The following ELP3 variants were observed in gnomAD, a reference collection of about 807,000 sequenced individuals.
The protein encoded by ELP3 is elongator acetyltransferase complex subunit 3, also known as elongator complex protein 3.
In ELP3, 56 loss-of-function variants were observed where a neutral mutation model predicts 74.9. The observed-to-expected ratio is 0.75, with a 90% CI of 0.60 to 0.93. The LOEUF (loss-of-function observed/expected upper bound fraction) is 0.93. Among genes scored for constraint, ELP3 ranks in the 40% least tolerant of loss-of-function variants. The pLI is 0.00. For synonymous variants in ELP3, 222 were observed against 239.8 expected (o/e 0.93, Z 0.68); for missense variants, 573 against 686.5 (o/e 0.83, Z 1.85).
intron 3 of ELP3, among the ~76,000 whole-genome samples, chr8:28,102,297 C>G (rs901663663): frequency 1.3e-5 from 2 of 152,172 alleles, no homozygotes; most frequent in Non-Finnish European, 2.9e-5. Flanking sequence ...GCTTATTCAC[C>G]TTTCCTGTCC....
intron 14 of ELP3, among the ~76,000 whole-genome samples, chr8:28,171,784 G>A (rs1814539741): frequency 6.6e-6 from 1 of 152,036 alleles, no homozygotes; most frequent in African/African-American, 2.4e-5. Context: ...TTTATATAAA[G>A]TTATAGCTCT....
At chr8:28,101,672 T>C (rs1356354330) in intron 3 of ELP3, among the ~76,000 whole-genome samples, 1 of 151,826 alleles carries the variant, frequency 6.6e-6, no homozygotes, top group Non-Finnish European at 1.5e-5. Context: ...TCACTGCAAC[T>C]TCTGCCTCCC....
At chr8:28,106,600 C>T in intron 3 of ELP3, 113 bp from the exon 4 acceptor site, 1 of 686,224 alleles carries the variant, frequency 1.5e-6, no homozygotes, top group Non-Finnish European at 2.4e-6. Flanking sequence ...TTTGAAGCCC[C>T]TTTTTGCCAC....
rs538412770 is a variant in ELP3, at chr8:28,187,948, C to T, written c.1568-1701C>T. 2.6e-5 allele frequency among the ~76,000 whole-genome samples: 4 copies of T among 152,240 alleles called. No homozygotes were observed. The East Asian group carries it at 7.7e-4, about 29-fold the overall frequency. ...CTCAGTGTCACAGGAAGCGCGTGCA[C>T]AGAAGAGCTGCATATTGCAGTGATT... On this transcript the variant is annotated intron_variant, in intron 14 of 14. Transcript: ENST00000256398.
At chr8:28,182,681 C>A (rs1585761256) in intron 14 of ELP3, among the ~76,000 whole-genome samples, 1 of 152,164 alleles carries the variant, frequency 6.6e-6, no homozygotes, top group Non-Finnish European at 1.5e-5. Flanking sequence ...GAGCATTGAG[C>A]AGCCCAGGAT....
At chr8:28,181,357 A>G (rs1259137539) in intron 14 of ELP3, among the ~76,000 whole-genome samples, 2 of 152,172 alleles carry the variant, frequency 1.3e-5, no homozygotes, top group Non-Finnish European at 2.9e-5. Flanking sequence ...AGAAATGGTG[A>G]CTGCAATTTA....
At chr8:28,137,420 G>A (rs1158876433) in intron 9 of ELP3, among the ~76,000 whole-genome samples, 1 of 152,206 alleles carries the variant, frequency 6.6e-6, no homozygotes, top group African/African-American at 2.4e-5. Context: ...TTGCAGGAGT[G>A]GAAAGGCCAG....
intron 3 of ELP3, among the ~76,000 whole-genome samples, chr8:28,105,975 C>G (rs1585641401): frequency 6.6e-6 from 1 of 152,142 alleles, no homozygotes; most frequent in African/African-American, 2.4e-5. Flanking sequence ...TATTGAGATC[C>G]AGTGTGTTCA....
At chr8:28,156,383 A>G (rs1209808197) in intron 11 of ELP3, among the ~76,000 whole-genome samples, 1 of 152,250 alleles carries the variant, frequency 6.6e-6, no homozygotes, top group Non-Finnish European at 1.5e-5. Context: ...ATTTGAAAAG[A>G]CAAGTATTAT....
intron 14 of ELP3, among the ~76,000 whole-genome samples, chr8:28,171,078 T>C (rs1213513511): frequency 2.0e-5 from 3 of 152,238 alleles, no homozygotes; most frequent in African/African-American, 4.8e-5. Context: ...ATTTTGCTTA[T>C]CATCCATCAG....
intron 14 of ELP3, among the ~76,000 whole-genome samples, chr8:28,175,549 G>A (rs1485919136): frequency 6.6e-6 from 1 of 151,932 alleles, no homozygotes. Context: ...ATGGTTTCTT[G>A]TAACTCCTTA....
intron 1 of ELP3, among the ~76,000 whole-genome samples, chr8:28,094,700 C>T (rs1024077096): frequency 2.0e-5 from 3 of 151,944 alleles, no homozygotes; most frequent in Admixed American, 1.3e-4. Context: ...CGAGATCGCA[C>T]CACTGCACTC....
chr8:28,117,404 G>C (rs982981716), intron 7 of ELP3, among the ~76,000 whole-genome samples: 12 of 152,124 alleles, frequency 7.9e-5, no homozygotes, highest in Admixed American at 6.6e-4. Flanking sequence ...CTAGTCCAGC[G>C]AGCTCAGTGC....
At chr8:28,112,453 G>A (rs1316128898) in intron 6 of ELP3, 2 of 152,090 alleles carry the variant, frequency 1.3e-5, no homozygotes, top group Non-Finnish European at 2.9e-5. Flanking sequence ...TTTTTAATCA[G>A]ACTTTCACTT....
chr8:28,169,912 C>T (rs75301635), intron 14 of ELP3, among the ~76,000 whole-genome samples: 1,546 of 152,124 alleles, frequency 0.01, 27 homozygotes, highest in African/African-American at 0.035. Context: ...CTCGTGGGCC[C>T]ATTTATAGGG....
intron 7 of ELP3, among the ~76,000 whole-genome samples, chr8:28,125,347 G>A (rs1174431093): frequency 6.6e-6 from 1 of 152,186 alleles, no homozygotes; most frequent in Non-Finnish European, 1.5e-5. Context: ...TGTCCACACA[G>A]GGAATGTTCT....
chr8:28,099,231 T>C (rs1811374054), intron 2 of ELP3, among the ~76,000 whole-genome samples: 2 of 152,212 alleles, frequency 1.3e-5, no homozygotes, highest in Admixed American at 1.3e-4. Context: ...TTCAAAAATA[T>C]GTACTTTATT....
upstream of ELP3, among the ~76,000 whole-genome samples, chr8:28,092,494 G>T (rs549889383): frequency 1.2e-3 from 176 of 152,262 alleles, 1 homozygote; most frequent in African/African-American, 4.1e-3. Context: ...CTCCTGAGAT[G>T]GGCATAGTGC....
chr8:28,103,915 G>C (rs1811586968), intron 3 of ELP3, among the ~76,000 whole-genome samples: 1 of 152,158 alleles, frequency 6.6e-6, no homozygotes, highest in South Asian at 2.1e-4. Flanking sequence ...TTTTTGTAGA[G>C]ACAGGGTTTC....
Sources: allele counts gnomAD v4.1 joint callset (sites outside exome capture counted in the v4.1 genomes callset), GRCh38; gene constraint gnomAD v4.1.1; transcripts MANE v1.5; gene names NCBI Gene and HGNC (gene_info 2026-07-23, HGNC 2026-07-21).